TMEM108: variants seen among roughly 807,000 people sequenced by gnomAD.
The protein encoded by TMEM108 is transmembrane protein 108.
A neutral mutation model predicts 35.1 loss-of-function variants in TMEM108; 12 were observed. That is an observed-to-expected ratio of 0.34 (90% confidence interval 0.22 to 0.55). The LOEUF is 0.55. TMEM108 is among the 20% of genes least tolerant of loss of function. The pLI, the probability that TMEM108 is intolerant of heterozygous loss-of-function variation, is 0.89. For synonymous variants in TMEM108, 287 were observed against 308.6 expected (o/e 0.93, Z 0.73); for missense variants, 680 against 753.3 (o/e 0.90, Z 1.14).
intron 3 of TMEM108, among the ~76,000 whole-genome samples, chr3:133,311,573 A>G (rs889598089): frequency 3.9e-5 from 6 of 152,198 alleles, no homozygotes; most frequent in African/African-American, 1.2e-4. Context: ...AGGTCATTTA[A>G]GGTCTTCTCT....
chr3:133,259,769 C>T (rs750256712), intron 3 of TMEM108, among the ~76,000 whole-genome samples: 6 of 152,090 alleles, frequency 3.9e-5, no homozygotes, highest in Non-Finnish European at 7.4e-5. Context: ...TTTACTAATA[C>T]CTGGAGTATG....
chr3:133,116,039 A>G (rs548715014), intron 2 of TMEM108, among the ~76,000 whole-genome samples: 18 of 152,340 alleles, frequency 1.2e-4, no homozygotes, highest in Admixed American at 2.6e-4. Flanking sequence ...CATAGCAGGA[A>G]ACTTCACAGG....
chr3:133,067,452 T>C (rs1484073527), intron 2 of TMEM108, among the ~76,000 whole-genome samples: 18 of 152,190 alleles, frequency 1.2e-4, no homozygotes, highest in Admixed American at 1.2e-3. Flanking sequence ...GTCCCTGAAG[T>C]TTTCCTTCAT....
At chr3:133,123,592 C>T (rs1386007407) in intron 2 of TMEM108, among the ~76,000 whole-genome samples, 4 of 152,158 alleles carry the variant, frequency 2.6e-5, no homozygotes, top group African/African-American at 4.8e-5. Flanking sequence ...TTCATTTAAG[C>T]AAATGCTTAC....
chr3:133,326,103 AAAAGT>A (rs894138339), intron 3 of TMEM108, among the ~76,000 whole-genome samples: 1 of 152,228 alleles, frequency 6.6e-6, no homozygotes, highest in Non-Finnish European at 1.5e-5. Flanking sequence ...TTCCACAACA[AAAAGT>A]AAAACAAAAA....
chr3:133,157,831 G>A (rs892114719), intron 2 of TMEM108, among the ~76,000 whole-genome samples: 2 of 152,090 alleles, frequency 1.3e-5, no homozygotes, highest in African/African-American at 4.8e-5. Context: ...GCTCTCTCAG[G>A]GTGTGTGTAA....
chr3:133,277,900 G>C, intron 3 of TMEM108, among the ~76,000 whole-genome samples: 1 of 152,200 alleles, frequency 6.6e-6, no homozygotes, highest in East Asian at 1.9e-4. Flanking sequence ...CTGTGGACCA[G>C]AGACTCAGGC....
intron 3 of TMEM108, among the ~76,000 whole-genome samples, chr3:133,330,490 G>GA (rs1433081090): frequency 6.6e-6 from 1 of 152,118 alleles, no homozygotes; most frequent in Admixed American, 6.6e-5. Flanking sequence ...AGTTTTCTTG[G>GA]AAAAATCCTT....
At chr3:133,219,738 G>T (rs901050290) in intron 2 of TMEM108, among the ~76,000 whole-genome samples, 2 of 152,018 alleles carry the variant, frequency 1.3e-5, no homozygotes, top group Non-Finnish European at 2.9e-5. Context: ...CTTAAGACTT[G>T]TGTTATATAT....
chr3:133,239,337 T>C lies in TMEM108; in HGVS notation c.40+9986T>C, dbSNP rs537500556. On this transcript the variant is annotated intron_variant, in intron 3 of 5. Coordinates refer to ENST00000321871, the MANE Select transcript of TMEM108 (RefSeq NM_023943.4). ...GGATATTGGAGGGCATCCACTTCATTGACACTAAAATTCAGTATTTTAGAC... is the reference window on the plus strand; with the variant it reads ...GGATATTGGAGGGCATCCACTTCATCGACACTAAAATTCAGTATTTTAGAC... Among the ~76,000 whole-genome samples, 226 of 152,286 alleles carry C rather than the reference T, an allele frequency of 1.5e-3. 1 individual carries two copies. Among genetic ancestry groups the C allele is most frequent in the Non-Finnish European group, 2.8e-3 (190 of 68,022 alleles).
chr3:133,312,341 T>C (rs866863979), intron 3 of TMEM108, among the ~76,000 whole-genome samples: 3 of 152,226 alleles, frequency 2.0e-5, no homozygotes, highest in African/African-American at 7.2e-5. Context: ...CCCACAGAGA[T>C]GGAGTCCTAG....
At chr3:133,369,174 AAG>A (rs755105224) in intron 3 of TMEM108, among the ~76,000 whole-genome samples, 28 of 152,270 alleles carry the variant, frequency 1.8e-4, no homozygotes, top group Non-Finnish European at 3.2e-4. Flanking sequence ...CTCTGCGGGG[AAG>A]AGTCACAATA....
intron 2 of TMEM108, among the ~76,000 whole-genome samples, chr3:133,047,283 A>C (rs569843185): frequency 2.0e-5 from 3 of 152,288 alleles, no homozygotes; most frequent in Non-Finnish European, 4.4e-5. Context: ...AATTTCCTCT[A>C]TATCCTGTAT....
intron 2 of TMEM108, among the ~76,000 whole-genome samples, chr3:133,201,870 C>T (rs866904095): frequency 3.3e-5 from 5 of 152,140 alleles, no homozygotes; most frequent in South Asian, 2.1e-4. Context: ...CTTGAGGGAT[C>T]GCCACACTGT....
At chr3:133,175,469 A>G (rs1343972970) in intron 2 of TMEM108, among the ~76,000 whole-genome samples, 4 of 152,202 alleles carry the variant, frequency 2.6e-5, no homozygotes, top group African/African-American at 9.7e-5. Context: ...CTAACAGCAG[A>G]TCTCTTGGCA....
rs766597719 is a variant in TMEM108, at chr3:133,390,210, GGAA to G, written c.1490_1492del (p.Lys497del). On this transcript the variant is annotated inframe_deletion, in exon 5 of 6. Transcript: ENST00000321871. ...CTGCTGACGGTGTGCTGCATGAAGA[GGAA>G]GAAGAAGACCGCCAACCCGGAGAAC... is the stretch of plus-strand genomic sequence containing the variant. 1.7e-4 allele frequency: 278 copies of G among 1,614,050 alleles called. No individual in the cohort carries two copies. The highest frequency in any genetic ancestry group is 2.2e-4 in the Non-Finnish European group (263 of 1,180,052).
In TMEM108 at chr3:133,233,354, A is replaced by C. The variant is rs892967541; in HGVS notation, c.40+4003A>C. On this transcript the variant is annotated intron_variant, in intron 3 of 5. Transcript: ENST00000321871. ...GATTTCCAATTTCATCCATGTCCCT[A>C]CAAAGGACATAAACTCATCATTTTT... is the stretch of plus-strand genomic sequence containing the variant. 2.9e-4 allele frequency among the ~76,000 whole-genome samples: 44 copies of C among 149,766 alleles called. 1 individual carries two copies. In the South Asian group the frequency reaches 5.7e-3, roughly 20 times the overall value.
At chr3:133,127,798 C>A (rs1944437123) in intron 2 of TMEM108, among the ~76,000 whole-genome samples, 1 of 152,132 alleles carries the variant, frequency 6.6e-6, no homozygotes, top group Non-Finnish European at 1.5e-5. Context: ...TGTTTAAATT[C>A]CAGTTTAGTT....
chr3:133,308,724 G>A (rs1373870842), intron 3 of TMEM108, among the ~76,000 whole-genome samples: 1 of 152,188 alleles, frequency 6.6e-6, no homozygotes, highest in Non-Finnish European at 1.5e-5. Context: ...CTTGATCGTG[G>A]TGGATAAGCT....
Sources: gnomAD v4.1 joint callset for allele counts (sites outside exome capture counted in the v4.1 genomes callset) on GRCh38, gnomAD v4.1.1 for gene constraint, MANE v1.5 for transcripts, NCBI Gene and HGNC (gene_info 2026-07-23, HGNC 2026-07-21) for gene names.